The following OR2J1 variants were observed in gnomAD, a reference collection of about 807,000 sequenced individuals.
The protein encoded by OR2J1 is olfactory receptor family 2 subfamily J member 1.
Under a neutral mutation model 10.2 loss-of-function variants are expected in OR2J1, and 10 were observed. The ratio of observed to expected loss-of-function variants is 0.98; its 90% CI spans 0.60 to 1.66. The LOEUF is 1.66. Ranked by LOEUF, OR2J1 falls within the 40% of genes most tolerant of loss-of-function variation. The pLI is 0.00. For synonymous variants in OR2J1, 143 were observed against 138.8 expected, an observed-to-expected ratio of 1.03 and a Z score of -0.21; for missense variants, 317 against 379.4, an observed-to-expected ratio of 0.84 and a Z score of 1.37.
chr6:29,100,182 C>G (rs1017194200), intron 1 of OR2J1, among the ~76,000 whole-genome samples: 2 of 152,200 alleles, frequency 1.3e-5, no homozygotes, highest in African/African-American at 4.8e-5. Context: ...TCCTTTCTCT[C>G]TTACACCTCC....
chr6:29,100,839 T>A lies in OR2J1; in HGVS notation c.-104T>A. 1 of 638,604 alleles carries A rather than the reference T, an allele frequency of 1.6e-6. No homozygotes were observed. Among genetic ancestry groups the A allele is most frequent in the South Asian group, 2.0e-5 (1 of 50,928 alleles). The allele number at this position is 638,604 out of a possible 1,614,324, so 39.6% of individuals were successfully genotyped here. A position where few individuals can be genotyped will look rare whatever the true frequency, so the allele number is the denominator to read the frequency against. ...CCATAATGGTGCACACTATCTGGAA[T>A]TGGGATACTTTTTTCTCCAATCTGT... On this transcript the variant is annotated 5_prime_UTR_variant, in exon 2 of 2. In the 5' UTR this introduces an upstream ATG that the reference lacks. Transcript: ENST00000641659.
In OR2J1 at chr6:29,101,279, T is replaced by C. The variant is rs1761588240; in HGVS notation, c.337T>C (p.Cys113Arg). Residue 113 changes from cysteine to arginine, a missense_variant, in exon 2 of 2, where the codon TGT becomes CGT. Transcript: ENST00000641659. ...YFVLALGTAE[C>R]VLLVVMSYDR... is the part of the protein sequence containing the mutation. ...TGTTCTCGCACTGGGAACCGCAGAG[T>C]GTGTCCTACTGGTGGTGATGTCCTA... The C allele has an allele frequency of 1.2e-6, 2 of 1,601,094 alleles. No individual in the cohort carries two copies. The highest frequency in any genetic ancestry group is 4.5e-5 in the East Asian group (2 of 44,828).
In OR2J1 at chr6:29,101,834, G is replaced by T. The variant is rs1343956201; in HGVS notation, c.892G>T (p.Val298Leu). The change falls in exon 2 of 2, where the codon GTA becomes TTA. Residue 298 changes from valine to leucine, a missense_variant. Transcript: ENST00000641659. ...PLIYTFRNKD[V>L]RGAVKRLMGW... ...AATCTACACTTTCAGAAACAAGGAT[G>T]TAAGAGGGGCAGTGAAGAGACTAAT... 3 of 1,526,634 alleles carry T rather than the reference G, an allele frequency of 2.0e-6. No homozygotes were observed. Among genetic ancestry groups the T allele is most frequent in the East Asian group, 4.5e-5 (2 of 44,452 alleles). 94.6% of individuals were successfully genotyped at this position (1,526,634 alleles called of 1,614,324 possible).
intron 1 of OR2J1, 158 bp from the exon 2 acceptor site, chr6:29,100,601 CA>C (rs1362714901): frequency 4.6e-4 from 75 of 161,784 alleles, no homozygotes; most frequent in East Asian, 3.0e-3. Context: ...TCTGAAAATG[CA>C]AAAAAAAATC....
At position 29,100,916 on chromosome 6, in the gene OR2J1, C is replaced by G. The variant is rs555872542; in HGVS notation, c.-27C>G. ...GGACAGACTTTGAGTTTATGCGATT[C>G]TTTCTTTAGGTACAGGAAAAATAAG... On this transcript the variant is annotated 5_prime_UTR_variant, in exon 2 of 2. Coordinates refer to ENST00000641659, the MANE Select transcript of OR2J1 (RefSeq NM_001348294.2). The G allele has an allele frequency of 2.3e-6, 2 of 865,420 alleles. No homozygotes were observed. The highest frequency in any genetic ancestry group is 3.8e-5 in the Admixed American group (2 of 52,004). The allele number at this position is 865,420 out of a possible 1,614,324, so 53.6% of individuals were successfully genotyped here.
Position 29,101,830 on chromosome 6 carries a change from G to T in OR2J1, c.888G>T (p.Lys296Asn). 2.0e-6 allele frequency: 3 copies of T among 1,533,070 alleles called. No homozygotes were observed. Among genetic ancestry groups the T allele is most frequent in the Non-Finnish European group, 2.7e-6 (3 of 1,106,270 alleles). 95.0% of individuals were successfully genotyped at this position (1,533,070 alleles called of 1,614,324 possible). The part of the protein sequence containing the change: ...LNPLIYTFRN[K>N]DVRGAVKRLM... ...CTCTAATCTACACTTTCAGAAACAA[G>T]GATGTAAGAGGGGCAGTGAAGAGAC... The change falls in exon 2 of 2, where the codon AAG becomes AAT. Residue 296 changes from lysine (K) to asparagine (N), a missense_variant. Lys to Asn is a moderately conservative substitution (Grantham distance 94, BLOSUM62 0). Coordinates refer to ENST00000641659, the MANE Select transcript of OR2J1 (RefSeq NM_001348294.2).
chr6:29,100,218 C>T (rs549108661), intron 1 of OR2J1, among the ~76,000 whole-genome samples: 1 of 152,284 alleles, frequency 6.6e-6, no homozygotes, highest in South Asian at 2.1e-4. Context: ...ACTCTGTAAT[C>T]TTTCTGTCTT....
chr6:29,102,526 C>G lies in OR2J1; in HGVS notation c.*645C>G, dbSNP rs1761701540. The G allele has an allele frequency of 6.6e-6, 1 of 152,166 alleles. No homozygotes were observed. The highest frequency in any genetic ancestry group is 2.1e-4 in the South Asian group (1 of 4,834). 9.4% of individuals were successfully genotyped at this position (152,166 alleles called of 1,614,324 possible). On this transcript the variant is annotated 3_prime_UTR_variant, in exon 2 of 2. Transcript: ENST00000641659. The stretch of plus-strand genomic sequence containing the variant: ...GTTCATCTGTCCATTTATTCATTAA[C>G]TTATTCTTCATTAGCTAAATCTTAC...
At chr6:29,100,406 C>CCT (rs1761524647) in intron 1 of OR2J1, among the ~76,000 whole-genome samples, 1 of 152,078 alleles carries the variant, frequency 6.6e-6, no homozygotes, top group Non-Finnish European at 1.5e-5. Context: ...AAATAAACTG[C>CCT]TAGCATAAAT....
Position 29,101,863 on chromosome 6 carries a change from G to T in OR2J1, c.921G>T (p.Gly307=), listed in dbSNP as rs777185088. 2 of 1,295,418 alleles carry T rather than the reference G, an allele frequency of 1.5e-6. No homozygotes were observed. Among genetic ancestry groups the T allele is most frequent in the Admixed American group, 1.7e-5 (1 of 59,246 alleles). The allele number at this position is 1,295,418 out of a possible 1,614,324, so 80.2% of individuals were successfully genotyped here. Residue 307 remains glycine (G), a synonymous_variant, in exon 2 of 2, where the codon GGG becomes GGT. Transcript: ENST00000641659. The part of the protein sequence containing the change: ...DVRGAVKRLM[G]WEWGM ...GAGGGGCAGTGAAGAGACTAATGGG[G>T]TGGGAATGGGGGATGTGACAGGGAA...
At position 29,101,859 on chromosome 6, in the gene OR2J1, T is replaced by G. The variant is rs1761651725; in HGVS notation, c.917T>G (p.Met306Arg). Reference sequence around the variant, plus strand: ...GTAAGAGGGGCAGTGAAGAGACTAATGGGGTGGGAATGGGGGATGTGACAG... The same window carrying G: ...GTAAGAGGGGCAGTGAAGAGACTAAGGGGGTGGGAATGGGGGATGTGACAG... Reference protein sequence around the residue: ...KDVRGAVKRLMGWEWGM With the variant: ...KDVRGAVKRLRGWEWGM Residue 306 changes from methionine (M) to arginine (R), a missense_variant, in exon 2 of 2, where the codon ATG becomes AGG. Coordinates refer to ENST00000641659, the MANE Select transcript of OR2J1 (RefSeq NM_001348294.2). The G allele has an allele frequency of 7.3e-7, 1 of 1,361,476 alleles. No individual in the cohort carries two copies. Among genetic ancestry groups the G allele is most frequent in the East Asian group, 2.3e-5 (1 of 43,656 alleles). The allele number at this position is 1,361,476 out of a possible 1,614,324, so 84.3% of individuals were successfully genotyped here. A position where few individuals can be genotyped will look rare whatever the true frequency, so the allele number is the denominator to read the frequency against.
rs1477566052 is a variant in OR2J1 at position 29,101,177 on chromosome 6, A to G, written c.235A>G (p.Ile79Val). 1.8e-5 allele frequency: 28 copies of G among 1,590,026 alleles called. No individual in the cohort carries two copies. Among genetic ancestry groups the G allele is most frequent in the Non-Finnish European group, 2.3e-5 (27 of 1,158,276 alleles). Reference sequence around the variant, plus strand: ...GGATCTCTGCTACACCACCAGCTCTATCCCTCAGTTGCTGGTGAATCTCTG... The same window carrying G: ...GGATCTCTGCTACACCACCAGCTCTGTCCCTCAGTTGCTGGTGAATCTCTG... The part of the protein sequence containing the change: ...FLDLCYTTSS[I>V]PQLLVNLWGP... The change falls in exon 2 of 2, where the codon ATC becomes GTC. Residue 79 changes from isoleucine (I) to valine (V), a missense_variant. By Grantham distance (29) the Ile-to-Val change is conservative (BLOSUM62 3). Transcript: ENST00000641659.
rs773314230 is a variant in OR2J1 at position 29,101,718 on chromosome 6, T to G, written c.776T>G (p.Met259Arg). Residue 259 changes from methionine (M) to arginine (R), a missense_variant, in exon 2 of 2, where the codon ATG (methionine) becomes AGG (arginine). Physicochemically the swap from Met to Arg is moderately conservative, Grantham distance 91. Coordinates refer to ENST00000641659, the MANE Select transcript of OR2J1 (RefSeq NM_001348294.2). Reference protein sequence around the residue: ...VSLFFIPVMCMYLQPPSENSQ... With the variant: ...VSLFFIPVMCRYLQPPSENSQ... ...CTCTTTTTCATTCCAGTCATGTGCA[T>G]GTATCTCCAGCCACCATCAGAAAAT... is the stretch of plus-strand genomic sequence containing the variant. 3.7e-6 allele frequency: 6 copies of G among 1,613,738 alleles called. No homozygotes were observed. The highest frequency in any genetic ancestry group is 4.2e-6 in the Non-Finnish European group (5 of 1,179,646).
rs774581231 is a variant in OR2J1 at position 29,099,861 on chromosome 6, G to A, written c.-184+3G>A. ...AAAAGTTTTTCAAAACACTGAAGGT[G>A]AGTTGGGTGTAAATAAATTTGTCTT... On this transcript the variant is annotated splice_donor_region_variant and intron_variant, in intron 1 of 1. Transcript: ENST00000641659. The A allele has an allele frequency of 5.3e-5, 8 of 152,188 alleles. No individual in the cohort carries two copies. The highest frequency in any genetic ancestry group is 2.1e-4 in the South Asian group (1 of 4,836). 9.4% of individuals were successfully genotyped at this position (152,188 alleles called of 1,614,324 possible).
At position 29,101,456 on chromosome 6, in the gene OR2J1, C is replaced by G; in HGVS notation, c.514C>G (p.His172Asp). Reference protein sequence around the residue: ...SFTFWIPLCRHRLVDHFFCEV... With the variant: ...SFTFWIPLCRDRLVDHFFCEV... ...TACTTTCTGGATACCCCTATGTAGACATCGCCTAGTGGATCACTTCTTCTG... is the reference window on the plus strand; with the variant it reads ...TACTTTCTGGATACCCCTATGTAGAGATCGCCTAGTGGATCACTTCTTCTG... Residue 172 changes from histidine (H) to aspartate (D), a missense_variant, in exon 2 of 2, where the codon CAT becomes GAT. Coordinates refer to ENST00000641659, the MANE Select transcript of OR2J1 (RefSeq NM_001348294.2). The G allele has an allele frequency of 6.7e-7, 1 of 1,503,042 alleles. No individual in the cohort carries two copies. The highest frequency in any genetic ancestry group is 9.3e-7 in the Non-Finnish European group (1 of 1,077,428). The allele number at this position is 1,503,042 out of a possible 1,614,324, so 93.1% of individuals were successfully genotyped here.
At position 29,099,674 on chromosome 6, in the gene OR2J1, A is replaced by G. The variant is rs1305149796; in HGVS notation, c.-368A>G. 6.6e-6 allele frequency: 1 copy of G among 152,210 alleles called. No homozygotes were observed. Among genetic ancestry groups the G allele is most frequent in the Non-Finnish European group, 1.5e-5 (1 of 68,040 alleles). The allele number at this position is 152,210 out of a possible 1,614,324, so 9.4% of individuals were successfully genotyped here. ...CTCAAAAGGTAATGATCATTTCATT[A>G]TCAACAATATGGAAAAGTGTACAGA... On this transcript the variant is annotated 5_prime_UTR_variant, in exon 1 of 2. Transcript: ENST00000641659.
Sources: gnomAD v4.1 joint callset for allele counts (sites outside exome capture counted in the v4.1 genomes callset) on GRCh38, gnomAD v4.1.1 for gene constraint, MANE v1.5 for transcripts, NCBI Gene and HGNC (gene_info 2026-07-23, HGNC 2026-07-21) for gene names.